The following SPTLC3 variants were observed in gnomAD, a reference collection of about 807,000 sequenced individuals.
SPTLC3 encodes serine palmitoyltransferase long chain base subunit 3.
A neutral mutation model predicts 59.3 loss-of-function variants in SPTLC3; 36 were observed. The observed-to-expected ratio is 0.61, with a 90% CI of 0.47 to 0.80. SPTLC3 has a LOEUF of 0.80. Among genes scored for constraint, SPTLC3 ranks in the 30% least tolerant of loss-of-function variants. SPTLC3 has a pLI of 0.00. For missense variants in SPTLC3, 625 were observed against 685.1 expected (o/e 0.91, Z 0.98); for synonymous variants, 257 against 240.8 (o/e 1.07, Z -0.62).
At chr20:13,034,400 T>C (rs1986637790) in intron 1 of SPTLC3, among the ~76,000 whole-genome samples, 1 of 152,174 alleles carries the variant, frequency 6.6e-6, no homozygotes, top group South Asian at 2.1e-4. Flanking sequence ...GCTTTTGACA[T>C]GAAAATCCCC....
chr20:13,010,335 G>C (rs146063656), intron 1 of SPTLC3, among the ~76,000 whole-genome samples: 1 of 152,160 alleles, frequency 6.6e-6, no homozygotes, highest in Non-Finnish European at 1.5e-5. Flanking sequence ...CATCCAGAGA[G>C]CAAGTATCCA....
intron 4 of SPTLC3, among the ~76,000 whole-genome samples, chr20:13,090,303 A>G (rs1388168816): frequency 6.6e-6 from 1 of 152,222 alleles, no homozygotes; most frequent in Non-Finnish European, 1.5e-5. Flanking sequence ...TGAAGTAAAA[A>G]TACCTGCATT....
At chr20:13,019,002 C>T (rs1985716819) in intron 1 of SPTLC3, among the ~76,000 whole-genome samples, 1 of 152,204 alleles carries the variant, frequency 6.6e-6, no homozygotes, top group African/African-American at 2.4e-5. Context: ...CCTCCACAAT[C>T]TACTTCATCT....
At chr20:13,012,236 A>C (rs1197282382) in intron 1 of SPTLC3, among the ~76,000 whole-genome samples, 2 of 152,192 alleles carry the variant, frequency 1.3e-5, no homozygotes, top group Non-Finnish European at 2.9e-5. Flanking sequence ...AAAATTGTAA[A>C]GTTTTCCTAA....
At chr20:13,010,207 T>G (rs1351215733) in intron 1 of SPTLC3, among the ~76,000 whole-genome samples, 1 of 152,098 alleles carries the variant, frequency 6.6e-6, no homozygotes, top group African/African-American at 2.4e-5. Context: ...CACTCTGCTC[T>G]GAGCAGCAGA....
intron 2 of SPTLC3, among the ~76,000 whole-genome samples, chr20:13,070,675 C>G (rs1988403029): frequency 6.6e-6 from 1 of 152,082 alleles, no homozygotes; most frequent in Non-Finnish European, 1.5e-5. Context: ...TGCTTCGGGT[C>G]CTCAAGCTTC....
chr20:13,080,161 A>G (rs943772565), intron 4 of SPTLC3, among the ~76,000 whole-genome samples: 5 of 152,092 alleles, frequency 3.3e-5, no homozygotes, highest in African/African-American at 1.2e-4. Context: ...CAAACCACCA[A>G]AAAAAAGAAT....
At chr20:13,091,493 A>G (rs994964820) in intron 5 of SPTLC3, among the ~76,000 whole-genome samples, 1 of 151,906 alleles carries the variant, frequency 6.6e-6, no homozygotes, top group East Asian at 1.9e-4. Flanking sequence ...GAATTGCTTG[A>G]ACCCAGGAAG....
At chr20:13,152,981 C>T (rs1018905718) in intron 9 of SPTLC3, among the ~76,000 whole-genome samples, 51 of 152,316 alleles carry the variant, frequency 3.3e-4, no homozygotes, top group African/African-American at 7.2e-5. Flanking sequence ...CTGACCAGTT[C>T]GTCTGAACAT....
At chr20:13,011,336 T>TC (rs1266484528) in intron 1 of SPTLC3, among the ~76,000 whole-genome samples, 1 of 152,096 alleles carries the variant, frequency 6.6e-6, no homozygotes, top group Non-Finnish European at 1.5e-5. Flanking sequence ...GCTTACAGAA[T>TC]CCTAGGCTGC....
chr20:13,125,884 G>A (rs552501027), intron 8 of SPTLC3, among the ~76,000 whole-genome samples: 7 of 152,330 alleles, frequency 4.6e-5, no homozygotes, highest in East Asian at 3.9e-4. Flanking sequence ...AAGCAACTGC[G>A]AAGTTGGATT....
At chr20:13,043,776 C>T (rs533500789) in intron 1 of SPTLC3, among the ~76,000 whole-genome samples, 1 of 152,224 alleles carries the variant, frequency 6.6e-6, no homozygotes, top group Non-Finnish European at 1.5e-5. Flanking sequence ...ACCACCTTCT[C>T]TCTGTCCTCT....
intron 2 of SPTLC3, 143 bp from the exon 3 acceptor site, chr20:13,072,113 C>T (rs1343156133): frequency 1.3e-5 from 11 of 828,486 alleles, no homozygotes; most frequent in South Asian, 2.0e-5. Flanking sequence ...AGATTTACTT[C>T]CCTCACCTAC....
rs1468992835 is a variant in SPTLC3 at position 13,168,647 on chromosome 20, A to C, written c.*3780A>C. The C allele has an allele frequency of 1.3e-5, 2 of 152,218 alleles. No individual in the cohort carries two copies. The highest frequency in any genetic ancestry group is 4.8e-5 in the African/African-American group (2 of 41,460). The allele number at this position is 152,218 out of a possible 1,614,324, so 9.4% of individuals were successfully genotyped here. A position where few individuals can be genotyped will look rare whatever the true frequency, so the allele number is the denominator to read the frequency against. ...TTTTTCTTCAGAGATAGCAAATGTT[A>C]TAAATGGCCTACTCTGATTTAAAAA... On this transcript the variant is annotated 3_prime_UTR_variant, in exon 12 of 12. Transcript: ENST00000399002.
At chr20:13,027,667 A>G (rs796795838) in intron 1 of SPTLC3, among the ~76,000 whole-genome samples, 1 of 146,342 alleles carries the variant, frequency 6.8e-6, no homozygotes, top group South Asian at 2.2e-4. Context: ...ACACACACAC[A>G]CACACACACA....
chr20:13,131,405 C>A (rs6109722), intron 9 of SPTLC3, among the ~76,000 whole-genome samples: 5,453 of 152,206 alleles, frequency 0.036, 319 homozygotes, highest in African/African-American at 0.12. Flanking sequence ...TCCTTCATTG[C>A]AAATTAAAGG....
chr20:13,020,124 G>A (rs1199284675), intron 1 of SPTLC3, among the ~76,000 whole-genome samples: 1 of 152,066 alleles, frequency 6.6e-6, no homozygotes, highest in Non-Finnish European at 1.5e-5. Context: ...CAGGGTAAAG[G>A]ATTCACAAAT....
chr20:13,044,550 G>A (rs914808123), intron 1 of SPTLC3, among the ~76,000 whole-genome samples: 3 of 152,048 alleles, frequency 2.0e-5, no homozygotes, highest in South Asian at 2.1e-4. Context: ...ATATATGACC[G>A]AGAGAAAATA....
intron 10 of SPTLC3, among the ~76,000 whole-genome samples, chr20:13,157,171 C>T (rs1288827340): frequency 6.6e-6 from 1 of 151,824 alleles, no homozygotes; most frequent in Non-Finnish European, 1.5e-5. Flanking sequence ...GGTACGGTAG[C>T]TCATGCCTGT....
Sources: allele counts gnomAD v4.1 joint callset (sites outside exome capture counted in the v4.1 genomes callset), GRCh38; gene constraint gnomAD v4.1.1; transcripts MANE v1.5; gene names NCBI Gene and HGNC (gene_info 2026-07-23, HGNC 2026-07-21).